Variants in KCNN2 observed in about 807,000 individuals in gnomAD.
KCNN2 encodes potassium calcium-activated channel subfamily N member 2.
In KCNN2, 24 loss-of-function variants were observed where a neutral mutation model predicts 55.5. That is an observed-to-expected ratio of 0.43 (90% CI 0.31 to 0.61). The LOEUF is 0.61. Ranked by LOEUF, KCNN2 falls within the 20% of genes least tolerant of loss-of-function variation. KCNN2 has a pLI of 0.08. For missense variants in KCNN2, 754 were observed against 853.6 expected (o/e 0.88, Z 1.45); for synonymous variants, 431 against 336.1 (o/e 1.28, Z -3.09).
intron 2 of KCNN2, among the ~76,000 whole-genome samples, chr5:114,390,537 A>G (rs1337119052): frequency 6.6e-6 from 1 of 152,166 alleles, no homozygotes; most frequent in Admixed American, 6.6e-5. Flanking sequence ...AGAAAATAAC[A>G]TTTGTTGACA....
intron 1 of KCNN2, among the ~76,000 whole-genome samples, chr5:114,108,007 A>G (rs969759856): frequency 2.0e-5 from 3 of 152,220 alleles, no homozygotes; most frequent in African/African-American, 7.2e-5. Flanking sequence ...ACTTTGGTAG[A>G]TAGGATATCT....
chr5:114,378,982 T>A (rs1178874254), intron 2 of KCNN2, among the ~76,000 whole-genome samples: 3 of 152,210 alleles, frequency 2.0e-5, no homozygotes, highest in Non-Finnish European at 4.4e-5. Flanking sequence ...AATTTGCTTA[T>A]TGCTGTTTCT....
intron 1 of KCNN2, among the ~76,000 whole-genome samples, chr5:114,189,246 A>G (rs1268921210): frequency 1.3e-5 from 2 of 151,974 alleles, no homozygotes; most frequent in Non-Finnish European, 2.9e-5. Flanking sequence ...TCTGCCAGGC[A>G]GAGACCCAGG....
chr5:114,413,245 C>G (rs190874048), intron 3 of KCNN2, among the ~76,000 whole-genome samples: 49 of 152,204 alleles, frequency 3.2e-4, no homozygotes, highest in African/African-American at 1.2e-3. Context: ...TCTCTTCTTT[C>G]TTATGTAGAT....
chr5:114,496,314 C>A lies in KCNN2; in HGVS notation c.*132C>A. 9.8e-7 allele frequency: 1 copy of A among 1,016,432 alleles called. No homozygotes were observed. The allele number at this position is 1,016,432 out of a possible 1,614,324, so 63.0% of individuals were successfully genotyped here. On this transcript the variant is annotated 3_prime_UTR_variant, in exon 8 of 8. Coordinates refer to ENST00000673685, the MANE Select transcript of KCNN2 (RefSeq NM_021614.4). Reference sequence around the variant, plus strand: ...GATGTCAGAATCCTGGGAACCTGAACACTAAGTTTTAGGCCAAAATGAGTG... The same window carrying A: ...GATGTCAGAATCCTGGGAACCTGAAAACTAAGTTTTAGGCCAAAATGAGTG...
intron 1 of KCNN2, among the ~76,000 whole-genome samples, chr5:114,112,584 C>G (rs1319785498): frequency 1.3e-5 from 2 of 151,978 alleles, no homozygotes; most frequent in Admixed American, 1.3e-4. Context: ...GACTTTGGGC[C>G]TGAGATACTT....
At chr5:114,218,307 G>A (rs574259456) in intron 1 of KCNN2, among the ~76,000 whole-genome samples, 5 of 152,238 alleles carry the variant, frequency 3.3e-5, no homozygotes, top group Admixed American at 6.5e-5. Flanking sequence ...AGCTTTATTC[G>A]TTCATAATTG....
At chr5:114,056,648 T>C in intron 1 of KCNN2, 1 of 386,526 alleles carries the variant, frequency 2.6e-6, no homozygotes, top group South Asian at 1.4e-4. Context: ...CACTCATACC[T>C]TAAAAAGAAA....
At chr5:114,459,703 G>A (rs1192452151) in intron 3 of KCNN2, among the ~76,000 whole-genome samples, 1 of 152,054 alleles carries the variant, frequency 6.6e-6, no homozygotes, top group Non-Finnish European at 1.5e-5. Context: ...TTTTAGGGCA[G>A]GTTTATTATT....
intron 6 of KCNN2, among the ~76,000 whole-genome samples, chr5:114,491,786 A>G (rs1747870454): frequency 6.6e-6 from 1 of 152,146 alleles, no homozygotes; most frequent in Non-Finnish European, 1.5e-5. Flanking sequence ...GATGGAATCC[A>G]CTGTTGTACA....
chr5:114,067,178 T>C (rs947008383), intron 1 of KCNN2, among the ~76,000 whole-genome samples: 3 of 152,118 alleles, frequency 2.0e-5, no homozygotes, highest in African/African-American at 7.2e-5. Context: ...ACCAGATAAT[T>C]GGGAATTTTT....
upstream of KCNN2, among the ~76,000 whole-genome samples, chr5:114,358,003 G>A (rs1294401586): frequency 4.0e-5 from 6 of 151,024 alleles, no homozygotes; most frequent in Non-Finnish European, 7.4e-5. Flanking sequence ...TAACTGGTGT[G>A]AGATGGTATC....
At chr5:114,197,793 A>G (rs540292153) in intron 1 of KCNN2, among the ~76,000 whole-genome samples, 1 of 152,078 alleles carries the variant, frequency 6.6e-6, no homozygotes, top group Non-Finnish European at 1.5e-5. Context: ...TTGACTGAAC[A>G]TGTTTCAGGA....
chr5:114,100,861 G>C (rs946160840), intron 1 of KCNN2, among the ~76,000 whole-genome samples: 3 of 152,026 alleles, frequency 2.0e-5, no homozygotes, highest in Middle Eastern at 3.2e-3. Flanking sequence ...GAAAAGAATA[G>C]TGAAATAGTG....
intron 2 of KCNN2, among the ~76,000 whole-genome samples, chr5:114,292,526 G>A (rs1755916407): frequency 6.6e-6 from 1 of 152,046 alleles, no homozygotes; most frequent in African/African-American, 2.4e-5. Flanking sequence ...ATTTCTGAGG[G>A]CTCTGTTCTG....
At chr5:114,164,765 C>G in intron 1 of KCNN2, among the ~76,000 whole-genome samples, 1 of 152,002 alleles carries the variant, frequency 6.6e-6, no homozygotes, top group East Asian at 1.9e-4. Context: ...AACTTAGCTC[C>G]CTTTTTTATT....
At position 114,362,407 on chromosome 5, in the gene KCNN2, C is replaced by T. The variant is rs959614726; in HGVS notation, c.268C>T (p.Leu90Phe). The change falls in exon 1 of 8, where the codon CTC (leucine) becomes TTC (phenylalanine). Residue 90 changes from leucine (L) to phenylalanine (F), a missense_variant. Physicochemically the swap from Leu to Phe is conservative, Grantham distance 22. Coordinates refer to ENST00000673685, the MANE Select transcript of KCNN2 (RefSeq NM_021614.4). ...AGAGDNLSLL[L>F]RTSSPGGAFR... Reference sequence around the variant, plus strand: ...GGCGGGAGATAACCTGTCCCTGCTGCTCCGCACCTCCTCGCCCGGCGGCGC... The same window carrying T: ...GGCGGGAGATAACCTGTCCCTGCTGTTCCGCACCTCCTCGCCCGGCGGCGC... 6.7e-6 allele frequency: 2 copies of T among 300,338 alleles called. No homozygotes were observed. Among genetic ancestry groups the T allele is most frequent in the Admixed American group, 1.1e-4 (2 of 18,530 alleles). The allele number at this position is 300,338 out of a possible 1,614,324, so 18.6% of individuals were successfully genotyped here. A position where few individuals can be genotyped will look rare whatever the true frequency, so the allele number is the denominator to read the frequency against.
intron 6 of KCNN2, among the ~76,000 whole-genome samples, chr5:114,488,025 C>T (rs1396251824): frequency 6.6e-6 from 1 of 152,120 alleles, no homozygotes; most frequent in Non-Finnish European, 1.5e-5. Flanking sequence ...GTATAACAGG[C>T]AAGAAAACTC....
intron 2 of KCNN2, among the ~76,000 whole-genome samples, chr5:114,316,064 A>G (rs1253715812): frequency 1.3e-5 from 2 of 152,138 alleles, no homozygotes; most frequent in Non-Finnish European, 2.9e-5. Context: ...GCAATAAGAA[A>G]CACAGCACTG....
Sources: gnomAD v4.1 joint callset for allele counts (sites outside exome capture counted in the v4.1 genomes callset) on GRCh38, gnomAD v4.1.1 for gene constraint, MANE v1.5 for transcripts, NCBI Gene and HGNC (gene_info 2026-07-23, HGNC 2026-07-21) for gene names.